The following TUBG1 variants were observed in gnomAD, a reference collection of about 807,000 sequenced individuals.
TUBG1 encodes tubulin gamma-1 chain.
TUBG1 carries 22 observed loss-of-function variants against 53.3 expected under a neutral mutation model. The observed-to-expected ratio is 0.41, with a 90% CI of 0.29 to 0.59. The LOEUF is 0.59. TUBG1 is among the 20% of genes least tolerant of loss of function. TUBG1 has a pLI of 0.26. For missense variants in TUBG1, 217 were observed against 598.9 expected (o/e 0.36, Z 6.66); for synonymous variants, 198 against 236.7 (o/e 0.84, Z 1.50).
Position 42,609,743 on chromosome 17 carries a change from G to T in TUBG1, c.6G>T (p.Pro2=). M[P]REIITLQLGQ... is the part of the protein sequence containing the mutation. The stretch of plus-strand genomic sequence containing the variant: ...ACGCCGGTGCCTGAGGAGCGATGCC[G>T]AGGGAAATCATCACCCTACAGTTGG... Residue 2 remains proline (P), a synonymous_variant, in exon 1 of 11, where the codon CCG becomes CCT. Transcript: ENST00000251413. The T allele has an allele frequency of 6.4e-7, 1 of 1,550,902 alleles. No individual in the cohort carries two copies. The highest frequency in any genetic ancestry group is 8.7e-7 in the Non-Finnish European group (1 of 1,146,638).
rs769541886 is a variant in TUBG1, at chr17:42,612,378, A to C, written c.400-49A>C. The C allele has an allele frequency of 1.0e-5, 16 of 1,592,920 alleles. No homozygotes were observed. The South Asian group carries it at 1.7e-4, about 17-fold the overall frequency. ...AAAACTATGAGATGGGTCTAGTTTG[A>C]CATCCTGCCACTAGATACCTGTACA... On this transcript the variant is annotated intron_variant, in intron 4 of 10. Coordinates refer to ENST00000251413, the MANE Select transcript of TUBG1 (RefSeq NM_001070.5).
rs752558062 is a variant in TUBG1 at position 42,614,226 on chromosome 17, C to T, written c.844-34C>T. The T allele has an allele frequency of 1.5e-5, 24 of 1,613,598 alleles. No homozygotes were observed. Among genetic ancestry groups the T allele is most frequent in the African/African-American group, 5.3e-5 (4 of 75,040 alleles). The stretch of plus-strand genomic sequence containing the variant: ...AGCCAAAGGGGGACTGTGCCCTGAG[C>T]GCTGGCCGGGTCCCTGTCTCACTGT... On this transcript the variant is annotated intron_variant, in intron 8 of 10. Transcript: ENST00000251413. The surrounding 1 kb of genome is among the most constrained non-coding windows in gnomAD (Gnocchi z 5.1).
At position 42,613,660 on chromosome 17, in the gene TUBG1, A is replaced by G; in HGVS notation, c.620A>G (p.Asn207Ser). ...QNADCVVVLD[N>S]TALNRIATDR... Reference sequence around the variant, plus strand: ...CTGTCCCCCCAGGTGGTGCTGGACAACACAGCCCTGAACCGGATTGCCACA... The same window carrying G: ...CTGTCCCCCCAGGTGGTGCTGGACAGCACAGCCCTGAACCGGATTGCCACA... The change falls in exon 7 of 11, where the codon AAC (asparagine) becomes AGC (serine). Residue 207 changes from asparagine to serine, a missense_variant. Physicochemically the swap from Asn to Ser is conservative, Grantham distance 46. Around this residue, in one of 4 missense-constraint regions of TUBG1, gnomAD observed 135 missense variants for 371.2 expected, o/e 0.36. Coordinates refer to ENST00000251413, the MANE Select transcript of TUBG1 (RefSeq NM_001070.5). 6.2e-7 allele frequency: 1 copy of G among 1,614,076 alleles called. No individual in the cohort carries two copies. Among genetic ancestry groups the G allele is most frequent in the Non-Finnish European group, 8.5e-7 (1 of 1,179,998 alleles).
chr17:42,610,022 C>A, intron 1 of TUBG1, 86 bp from the exon 2 acceptor site: 1 of 1,493,738 alleles, frequency 6.7e-7, no homozygotes, highest in Non-Finnish European at 9.2e-7. Flanking sequence ...TATCCCTGGA[C>A]GCAGGCGCCC....
In TUBG1 at chr17:42,614,024, G is replaced by A. The variant is rs2052056780; in HGVS notation, c.843+26G>A. ...GTAAGAGCAGCCTTCAGTGTCCCAG[G>A]CCAGGCCGGCCCTGGGCCCAACAGG... On this transcript the variant is annotated intron_variant, in intron 8 of 10. Transcript: ENST00000251413. This position sits in a 1 kb window ranked among gnomAD's most constrained non-coding sequence, Gnocchi z 5.1. 1 of 1,613,954 alleles carries A rather than the reference G, an allele frequency of 6.2e-7. No individual in the cohort carries two copies. Among genetic ancestry groups the A allele is most frequent in the South Asian group, 1.1e-5 (1 of 91,080 alleles).
At chr17:42,612,801 C>G in intron 5 of TUBG1, 146 bp from the exon 6 acceptor site, 1 of 1,175,388 alleles carries the variant, frequency 8.5e-7, no homozygotes, top group Middle Eastern at 3.0e-4. Context: ...TACAGACTTC[C>G]AAAAGTCAAG....
intron 6 of TUBG1, among the ~76,000 whole-genome samples, 176 bp from the exon 7 acceptor site, chr17:42,613,471 G>T (rs1048768288): frequency 2.6e-5 from 4 of 151,864 alleles, no homozygotes; most frequent in Non-Finnish European, 4.4e-5. Flanking sequence ...AAGATGAAAA[G>T]AAAAATTTAA....
intron 3 of TUBG1, 81 bp from the exon 4 acceptor site, chr17:42,611,994 G>C: frequency 7.7e-7 from 1 of 1,302,220 alleles, no homozygotes. Context: ...GGTGTTATAA[G>C]GAGAATTGAG....
Position 42,613,978 on chromosome 17 carries a change from CCT to C in TUBG1, c.827_828del (p.Leu276HisfsTer120). ...RLHFLMTGYT[P>X]LTTDQSVASV... ...CCACTTCCTCATGACCGGCTACACCCCTCTCACTACGGACCAGTCAGTAAGAG... is the reference window on the plus strand; with the variant it reads ...CCACTTCCTCATGACCGGCTACACCCCTCACTACGGACCAGTCAGTAAGAG... On this transcript the variant is annotated frameshift_variant, in exon 8 of 11. Coordinates refer to ENST00000251413, the MANE Select transcript of TUBG1 (RefSeq NM_001070.5). LOFTEE classifies it high-confidence loss of function. 3 of 1,614,204 alleles carry C rather than the reference CCT, an allele frequency of 1.9e-6. No individual in the cohort carries two copies. Among genetic ancestry groups the C allele is most frequent in the Non-Finnish European group, 1.7e-6 (2 of 1,180,050 alleles).
chr17:42,612,799 TC>T (rs2052046763), intron 5 of TUBG1, 147 bp from the exon 6 acceptor site: 16 of 1,139,958 alleles, frequency 1.4e-5, no homozygotes, highest in Non-Finnish European at 2.0e-5. Flanking sequence ...GCTACAGACT[TC>T]CAAAAGTCAA....
Position 42,612,803 on chromosome 17 carries a change from A to G in TUBG1, c.480-144A>G, listed in dbSNP as rs1390580685. On this transcript the variant is annotated intron_variant, in intron 5 of 10. Transcript: ENST00000251413. ...CCCCCTGTAGGGCTACAGACTTCCA[A>G]AAGTCAAGGCTCCCTTCTCTACTGA... 33 of 1,185,898 alleles carry G rather than the reference A, an allele frequency of 2.8e-5. No homozygotes were observed. In the Admixed American group the frequency reaches 8.5e-4, roughly 31 times the overall value. The allele number at this position is 1,185,898 out of a possible 1,614,324, so 73.5% of individuals were successfully genotyped here.
At chr17:42,613,559 A>C (rs1415489968) in intron 6 of TUBG1, 88 bp from the exon 7 acceptor site, 1 of 1,598,934 alleles carries the variant, frequency 6.3e-7, no homozygotes, top group African/African-American at 1.3e-5. Context: ...ATGAAGCTCA[A>C]AGGAAATTAA....
chr17:42,610,081 TC>T (rs2052019402), intron 1 of TUBG1, 26 bp from the exon 2 acceptor site: 1 of 1,613,418 alleles, frequency 6.2e-7, no homozygotes, highest in African/African-American at 1.3e-5. Context: ...ATATCTTCTT[TC>T]TCCCCTGCCC....
At chr17:42,612,003 AGG>A in intron 3 of TUBG1, 70 bp from the exon 4 acceptor site, 1 of 1,407,782 alleles carries the variant, frequency 7.1e-7, no homozygotes, top group Non-Finnish European at 1.0e-6. Flanking sequence ...AGGAGAATTG[AGG>A]GTGGCTTTTC....
chr17:42,613,887 C>T lies in TUBG1; in HGVS notation c.732C>T (p.Arg244=), dbSNP rs747215741. The T allele has an allele frequency of 6.2e-7, 1 of 1,614,228 alleles. No individual in the cohort carries two copies. The highest frequency in any genetic ancestry group is 2.2e-5 in the East Asian group (1 of 44,880). Reference sequence around the variant, plus strand: ...TGTCAGCCAGCACCACCACCCTGCGCTACCCTGGCTACATGAACAATGACC... The same window carrying T: ...TGTCAGCCAGCACCACCACCCTGCGTTACCCTGGCTACATGAACAATGACC... ...TIMSASTTTL[R]YPGYMNNDLI... Residue 244 remains arginine (R), a synonymous_variant, in exon 8 of 11, where the codon CGC becomes CGT. Transcript: ENST00000251413.
At position 42,610,094 on chromosome 17, in the gene TUBG1, C is replaced by T; in HGVS notation, c.50-14C>T. ...AGATATCTTCTTTCTCCCCTGCCCGCCCCTTCCCCCCAGTTGGGTTCGAGT... is the reference window on the plus strand; with the variant it reads ...AGATATCTTCTTTCTCCCCTGCCCGTCCCTTCCCCCCAGTTGGGTTCGAGT... On this transcript the variant is annotated splice_polypyrimidine_tract_variant and intron_variant, in intron 1 of 10. Coordinates refer to ENST00000251413, the MANE Select transcript of TUBG1 (RefSeq NM_001070.5). 1 of 1,614,046 alleles carries T rather than the reference C, an allele frequency of 6.2e-7. No homozygotes were observed. The highest frequency in any genetic ancestry group is 8.5e-7 in the Non-Finnish European group (1 of 1,179,926).
chr17:42,611,658 C>G (rs2052035239), intron 3 of TUBG1, among the ~76,000 whole-genome samples: 1 of 152,166 alleles, frequency 6.6e-6, no homozygotes, highest in Non-Finnish European at 1.5e-5. Flanking sequence ...GAGTTCAAGA[C>G]CAGCCTAGCC....
intron 4 of TUBG1, 121 bp from the exon 5 acceptor site, chr17:42,612,306 G>T (rs2052042381): frequency 2.3e-6 from 3 of 1,320,714 alleles, no homozygotes; most frequent in African/African-American, 1.5e-5. Flanking sequence ...CTGTATAAGT[G>T]AGGGGACTGG....
In TUBG1 at chr17:42,615,203, CTATT is replaced by C. The variant is rs2052067476; in HGVS notation, c.*166_*169del. 1 of 647,644 alleles carries C rather than the reference CTATT, an allele frequency of 1.5e-6. No individual in the cohort carries two copies. The highest frequency in any genetic ancestry group is 2.6e-6 in the Non-Finnish European group (1 of 379,284). The allele number at this position is 647,644 out of a possible 1,614,324, so 40.1% of individuals were successfully genotyped here. On this transcript the variant is annotated 3_prime_UTR_variant, in exon 11 of 11. Coordinates refer to ENST00000251413, the MANE Select transcript of TUBG1 (RefSeq NM_001070.5). Reference sequence around the variant, plus strand: ...CACATTTACTTCTCCTCTTATGAGACTATTTATCTTTAATAAAGCACTGGATATA... The same window carrying C: ...CACATTTACTTCTCCTCTTATGAGACTATCTTTAATAAAGCACTGGATATA...
Sources: allele counts gnomAD v4.1 joint callset (sites outside exome capture counted in the v4.1 genomes callset), GRCh38; gene constraint gnomAD v4.1.1; regional missense constraint gnomAD v4.1.1; non-coding constraint Gnocchi (gnomAD v3.1); transcripts MANE v1.5; gene names NCBI Gene and HGNC (gene_info 2026-07-23, HGNC 2026-07-21).